GPCPD1: variants seen among roughly 807,000 people sequenced by gnomAD.
GPCPD1 encodes glycerophosphocholine phosphodiesterase GPCPD1.
GPCPD1 carries 29 observed loss-of-function variants against 89.2 expected under a neutral mutation model. The observed-to-expected ratio is 0.33, with a 90% CI of 0.24 to 0.44. GPCPD1 has a LOEUF of 0.44. Among genes scored for constraint, GPCPD1 ranks in the 20% least tolerant of loss-of-function variants. GPCPD1 has a pLI of 1.00. For missense variants in GPCPD1, 594 were observed against 808.9 expected (o/e 0.73, Z 3.22); for synonymous variants, 258 against 266.3 (o/e 0.97, Z 0.30).
At chr20:5,555,917 C>T (rs1985738497) in intron 19 of GPCPD1, among the ~76,000 whole-genome samples, 1 of 152,178 alleles carries the variant, frequency 6.6e-6, no homozygotes, top group African/African-American at 2.4e-5. Flanking sequence ...TAAACACCAT[C>T]ATGTGCAACA....
chr20:5,576,597 T>A (rs1978289616), intron 8 of GPCPD1, among the ~76,000 whole-genome samples: 1 of 152,128 alleles, frequency 6.6e-6, no homozygotes, highest in South Asian at 2.1e-4. Context: ...AAATATATAT[T>A]TTTTTGAGAG....
chr20:5,562,932 GAA>G (rs1986170406), intron 15 of GPCPD1, among the ~76,000 whole-genome samples: 1 of 151,810 alleles, frequency 6.6e-6, no homozygotes, highest in Admixed American at 6.6e-5. Context: ...AAATTTGCCA[GAA>G]AAGTGTCTAT....
rs552738887 is a variant in GPCPD1 at position 5,575,496 on chromosome 20, T to C, written c.918A>G (p.Lys306=). 3.1e-5 allele frequency: 49 copies of C among 1,593,682 alleles called. 1 individual carries two copies. In the South Asian group the frequency reaches 5.1e-4, roughly 17 times the overall value. ...KPLPGYSCDM[K]SSFSKYWKPR... ...GCTTCCAATACTTGGAAAATGAAGA[T>C]TTCATGTCACAACTGTATCCTGGTA... is the stretch of plus-strand genomic sequence containing the variant. The change falls in exon 10 of 20, where the codon AAA becomes AAG. Residue 306 remains lysine (K), a synonymous_variant. Coordinates refer to ENST00000379019, the MANE Select transcript of GPCPD1 (RefSeq NM_019593.5).
chr20:5,564,955 T>C (rs1600729109), intron 15 of GPCPD1, 62 bp downstream of exon 15: 2 of 814,596 alleles, frequency 2.5e-6, no homozygotes, highest in Non-Finnish European at 4.3e-6. Flanking sequence ...GAAACAAAAG[T>C]AAATTATTCA....
At chr20:5,557,450 A>G (rs1353198961) in intron 19 of GPCPD1, among the ~76,000 whole-genome samples, 2 of 152,240 alleles carry the variant, frequency 1.3e-5, no homozygotes, top group African/African-American at 4.8e-5. Flanking sequence ...GATTTGGGGT[A>G]TGAGATAAAG....
intron 17 of GPCPD1, among the ~76,000 whole-genome samples, 179 bp downstream of exon 17, chr20:5,559,761 C>T (rs1372449356): frequency 6.6e-6 from 1 of 152,072 alleles, no homozygotes; most frequent in Admixed American, 6.5e-5. Context: ...GTGGACTTCA[C>T]AGGAGTAGCA....
chr20:5,578,304 TGAAA>T (rs1978304837), intron 8 of GPCPD1, 72 bp downstream of exon 8: 1 of 923,694 alleles, frequency 1.1e-6, no homozygotes. Flanking sequence ...TAGATTAAAA[TGAAA>T]ATCAAAACCA....
chr20:5,576,964 AG>A (rs1307052940), intron 8 of GPCPD1, among the ~76,000 whole-genome samples: 1 of 151,816 alleles, frequency 6.6e-6, no homozygotes. Flanking sequence ...CAGCACTTTG[AG>A]GGGCCGAGGC....
chr20:5,599,076 T>C (rs1979942044), intron 2 of GPCPD1, among the ~76,000 whole-genome samples: 1 of 152,182 alleles, frequency 6.6e-6, no homozygotes, highest in Non-Finnish European at 1.5e-5. Context: ...TCTGTTCAAC[T>C]ACTCATTGAG....
At chr20:5,609,162 C>T (rs238293) in intron 1 of GPCPD1, among the ~76,000 whole-genome samples, 107,877 of 152,088 alleles carry the variant, frequency 0.71, 39,732 homozygotes, top group African/African-American at 0.91. Flanking sequence ...ACATGTCAGT[C>T]TTCCTTCGAA....
chr20:5,565,429 T>C (rs1986347451), intron 14 of GPCPD1, among the ~76,000 whole-genome samples: 1 of 151,876 alleles, frequency 6.6e-6, no homozygotes, highest in East Asian at 1.9e-4. Context: ...AAATGAGGTC[T>C]AGTTGCTCAG....
chr20:5,567,435 T>C (rs4815840), intron 13 of GPCPD1, 48 bp downstream of exon 13: 85,405 of 1,531,942 alleles, frequency 0.056, 3,655 homozygotes, highest in African/African-American at 0.22. Context: ...GCAAGTACAA[T>C]AGTCCTAAAG....
chr20:5,584,409 G>A (rs770676407), intron 5 of GPCPD1, 87 bp from the exon 6 acceptor site: 11 of 654,018 alleles, frequency 1.7e-5, no homozygotes, highest in South Asian at 5.5e-5. Flanking sequence ...CTTAAAGATC[G>A]TTTATAATAT....
At chr20:5,597,132 C>T (rs1294485848) in intron 3 of GPCPD1, among the ~76,000 whole-genome samples, 2 of 152,116 alleles carry the variant, frequency 1.3e-5, no homozygotes, top group Non-Finnish European at 2.9e-5. Flanking sequence ...AGAATATATA[C>T]TATTAAAGTA....
intron 1 of GPCPD1, among the ~76,000 whole-genome samples, chr20:5,604,712 G>T (rs1980448440): frequency 6.7e-6 from 1 of 150,028 alleles, no homozygotes; most frequent in Non-Finnish European, 1.5e-5. Flanking sequence ...GGCTGAGGCA[G>T]GAGGATGACT....
intron 11 of GPCPD1, among the ~76,000 whole-genome samples, chr20:5,570,781 A>C (rs1986672335): frequency 6.6e-6 from 1 of 152,218 alleles, no homozygotes; most frequent in South Asian, 2.1e-4. Flanking sequence ...AGACAACAGA[A>C]ACAGGAAAAA....
chr20:5,548,075 A>G (rs1985133168), intron 19 of GPCPD1, among the ~76,000 whole-genome samples: 1 of 152,120 alleles, frequency 6.6e-6, no homozygotes, highest in African/African-American at 2.4e-5. Context: ...GCCCTTTTGT[A>G]CCCCCGATGC....
intron 19 of GPCPD1, among the ~76,000 whole-genome samples, chr20:5,556,457 G>A (rs1217953825): frequency 2.6e-5 from 4 of 152,296 alleles, no homozygotes; most frequent in Non-Finnish European, 5.9e-5. Flanking sequence ...GCCCGCCTCA[G>A]CCTCCCAAGG....
At chr20:5,563,617 G>A (rs1986213312) in intron 15 of GPCPD1, among the ~76,000 whole-genome samples, 1 of 149,988 alleles carries the variant, frequency 6.7e-6, no homozygotes, top group Non-Finnish European at 1.5e-5. Context: ...TAAACTGTCT[G>A]CCTGCCCTGG....
Sources: allele counts gnomAD v4.1 joint callset (sites outside exome capture counted in the v4.1 genomes callset), GRCh38; gene constraint gnomAD v4.1.1; transcripts MANE v1.5; gene names NCBI Gene and HGNC (gene_info 2026-07-23, HGNC 2026-07-21).